PRKAR2A: variants seen among roughly 807,000 people sequenced by gnomAD.
The protein encoded by PRKAR2A is protein kinase cAMP-dependent type II regulatory subunit alpha.
In PRKAR2A, 29 loss-of-function variants were observed where a neutral mutation model predicts 51.9. That is an observed-to-expected ratio of 0.56 (90% confidence interval 0.42 to 0.76). The LOEUF is 0.76. PRKAR2A is among the 30% of genes least tolerant of loss of function. The pLI is 0.00. For missense variants in PRKAR2A, 445 were observed against 512.1 expected (o/e 0.87, Z 1.26); for synonymous variants, 178 against 186.2 (o/e 0.96, Z 0.36).
intron 1 of PRKAR2A, among the ~76,000 whole-genome samples, chr3:48,830,697 T>C (rs1209450492): frequency 6.6e-6 from 1 of 152,166 alleles, no homozygotes; most frequent in Non-Finnish European, 1.5e-5. Flanking sequence ...ATTTCTATTA[T>C]TATTACATTG....
chr3:48,807,928 T>C (rs1386996430), intron 1 of PRKAR2A, among the ~76,000 whole-genome samples: 6 of 152,270 alleles, frequency 3.9e-5, no homozygotes, highest in African/African-American at 1.4e-4. Flanking sequence ...CTGGCAATTT[T>C]ATTTCTGCCC....
At chr3:48,839,641 G>T (rs530388727) in intron 1 of PRKAR2A, among the ~76,000 whole-genome samples, 81 of 152,158 alleles carry the variant, frequency 5.3e-4, no homozygotes, top group African/African-American at 1.9e-3. Flanking sequence ...TAAGTTTTTT[G>T]ACTCTTTCCA....
At chr3:48,782,194 G>A (rs1161617484) in intron 5 of PRKAR2A, among the ~76,000 whole-genome samples, 5 of 152,108 alleles carry the variant, frequency 3.3e-5, no homozygotes, top group African/African-American at 9.7e-5. Flanking sequence ...AACTCAAGAG[G>A]TTAGGACACA....
At chr3:48,778,302 G>T (rs2082136014) in intron 5 of PRKAR2A, among the ~76,000 whole-genome samples, 1 of 151,196 alleles carries the variant, frequency 6.6e-6, no homozygotes, top group Non-Finnish European at 1.5e-5. Context: ...TTTCCTATTT[G>T]TTTATCACCA....
intron 3 of PRKAR2A, 75 bp downstream of exon 3, chr3:48,793,922 G>T: frequency 1.7e-6 from 2 of 1,142,934 alleles, no homozygotes; most frequent in Non-Finnish European, 2.6e-6. Context: ...AGCATGATGA[G>T]TTTTTGGTAT....
At chr3:48,765,107 A>C in intron 7 of PRKAR2A, 29 bp from the exon 8 acceptor site, 1 of 1,604,498 alleles carries the variant, frequency 6.2e-7, no homozygotes, top group Non-Finnish European at 8.5e-7. Flanking sequence ...AAATAAAAGG[A>C]AAAGACCTTA....
chr3:48,771,419 G>A (rs150441846), intron 6 of PRKAR2A, among the ~76,000 whole-genome samples: 1 of 152,190 alleles, frequency 6.6e-6, no homozygotes, highest in African/African-American at 2.4e-5. Context: ...GAGGTGGGAG[G>A]ATTGCTTGAG....
chr3:48,792,713 G>A (rs1255516205), intron 3 of PRKAR2A, among the ~76,000 whole-genome samples: 3 of 151,754 alleles, frequency 2.0e-5, no homozygotes, highest in Non-Finnish European at 2.9e-5. Context: ...CACCCGCCTC[G>A]GCCTCCCAAA....
chr3:48,832,795 C>T (rs2107444623), intron 1 of PRKAR2A, among the ~76,000 whole-genome samples: 1 of 152,158 alleles, frequency 6.6e-6, no homozygotes, highest in East Asian at 1.9e-4. Context: ...CTACAAGTTG[C>T]TTTTTACTTG....
intron 6 of PRKAR2A, among the ~76,000 whole-genome samples, chr3:48,771,216 T>A (rs532658620): frequency 9.3e-4 from 142 of 152,044 alleles, no homozygotes; most frequent in African/African-American, 3.3e-3. Flanking sequence ...AAAGAAAGAA[T>A]GTGTTATTTG....
chr3:48,791,353 T>G (rs571315707), intron 3 of PRKAR2A, among the ~76,000 whole-genome samples: 2 of 148,836 alleles, frequency 1.3e-5, no homozygotes, highest in Non-Finnish European at 3.0e-5. Flanking sequence ...TCCCAGCACT[T>G]TGGTAGGCTG....
chr3:48,755,879 T>C (rs759369257), intron 9 of PRKAR2A, among the ~76,000 whole-genome samples: 6 of 151,198 alleles, frequency 4.0e-5, no homozygotes, highest in Non-Finnish European at 8.8e-5. Context: ...CCGGTGTTCA[T>C]GCCATTCTCC....
intron 5 of PRKAR2A, among the ~76,000 whole-genome samples, chr3:48,773,493 G>T (rs553381337): frequency 4.6e-5 from 7 of 151,600 alleles, no homozygotes; most frequent in African/African-American, 1.5e-4. Flanking sequence ...ACAGGCACGC[G>T]CCACCAGGCC....
intron 4 of PRKAR2A, among the ~76,000 whole-genome samples, chr3:48,786,128 G>GTTTTTTTTTT: frequency 7.4e-6 from 1 of 135,374 alleles, no homozygotes; most frequent in Non-Finnish European, 1.6e-5. Flanking sequence ...GTTTTTTTTT[G>GTTTTTTTTTT]TTTTTTTTTT....
chr3:48,809,078 G>C (rs911364241), intron 1 of PRKAR2A, among the ~76,000 whole-genome samples: 2 of 152,226 alleles, frequency 1.3e-5, no homozygotes, highest in African/African-American at 2.4e-5. Flanking sequence ...ACCGCGCCTG[G>C]CCAAGCAGAA....
chr3:48,787,251 T>A (rs1238909900), intron 4 of PRKAR2A, among the ~76,000 whole-genome samples: 1 of 152,112 alleles, frequency 6.6e-6, no homozygotes, highest in Non-Finnish European at 1.5e-5. Flanking sequence ...AATGGTGTGG[T>A]CTTAGCTCAC....
intron 1 of PRKAR2A, among the ~76,000 whole-genome samples, chr3:48,825,676 C>T (rs1020339207): frequency 6.6e-6 from 1 of 152,054 alleles, no homozygotes; most frequent in Non-Finnish European, 1.5e-5. Context: ...AAAAAATAGA[C>T]TGAAAGAATG....
At chr3:48,829,101 G>A (rs1048793744) in intron 1 of PRKAR2A, among the ~76,000 whole-genome samples, 6 of 151,892 alleles carry the variant, frequency 4.0e-5, no homozygotes, top group Non-Finnish European at 5.9e-5. Context: ...CTTCCAAAGC[G>A]CTGGGATTAT....
rs750807469 is a variant in PRKAR2A at position 48,847,579 on chromosome 3, G to A, written c.18C>T (p.Ile6=). The change falls in exon 1 of 11, where the codon ATC becomes ATT. Residue 6 remains isoleucine (I), a synonymous_variant. Coordinates refer to ENST00000265563, the MANE Select transcript of PRKAR2A (RefSeq NM_004157.4). This position sits in a 1 kb window ranked among gnomAD's most constrained non-coding sequence, Gnocchi z 4.4. ...GCAGCAGCTCCGTGAGCCCCGGCGGGATCTGGATGTGGCTCATGCCGGCGG... is the reference window on the plus strand; with the variant it reads ...GCAGCAGCTCCGTGAGCCCCGGCGGAATCTGGATGTGGCTCATGCCGGCGG... The part of the protein sequence containing the change: MSHIQ[I]PPGLTELLQG... 2.3e-5 allele frequency: 36 copies of A among 1,538,436 alleles called. No individual in the cohort carries two copies. Among genetic ancestry groups the A allele is most frequent in the South Asian group, 1.4e-4 (11 of 79,372 alleles).
Sources: gnomAD v4.1 joint callset for allele counts (sites outside exome capture counted in the v4.1 genomes callset) on GRCh38, gnomAD v4.1.1 for gene constraint, Gnocchi (gnomAD v3.1) non-coding constraint, MANE v1.5 for transcripts, NCBI Gene and HGNC (gene_info 2026-07-23, HGNC 2026-07-21) for gene names.